The following HIPK3 variants were observed in gnomAD, a reference collection of about 807,000 sequenced individuals.
The protein encoded by HIPK3 is homeodomain interacting protein kinase 3, also known as homeodomain-interacting protein kinase 3.
HIPK3 carries 47 observed loss-of-function variants against 124.2 expected under a neutral mutation model. That is an observed-to-expected ratio of 0.38 (90% CI 0.30 to 0.48). The LOEUF is 0.48. Among genes scored for constraint, HIPK3 ranks in the 20% least tolerant of loss-of-function variants. The pLI is 0.98. For missense variants in HIPK3, 1,286 were observed against 1,454.3 expected (o/e 0.88, Z 1.88); for synonymous variants, 482 against 515.2 (o/e 0.94, Z 0.87).
At chr11:33,341,717 C>A in intron 8 of HIPK3, 31 bp downstream of exon 8, 1 of 1,552,932 alleles carries the variant, frequency 6.4e-7, no homozygotes, top group Non-Finnish European at 8.8e-7. Context: ...TGCTTTGAAT[C>A]TAGGCATGCT....
Position 33,272,784 on chromosome 11 carries a change from T to A in HIPK3, c.-2-13629T>A, listed in dbSNP as rs1283087973. 1.3e-3 allele frequency among the ~76,000 whole-genome samples: 3 copies of A among 2,360 alleles called. 1 individual carries two copies. The highest frequency in any genetic ancestry group is 3.2e-3 in the Non-Finnish European group (3 of 934). 1.5% of individuals were successfully genotyped at this position (2,360 alleles called of 152,430 possible). A position where few individuals can be genotyped will look rare whatever the true frequency, so the allele number is the denominator to read the frequency against. On this transcript the variant is annotated intron_variant, in intron 1 of 16. Transcript: ENST00000303296. ...TCCCTCCCTCCCTCCTCCCTCCCCC[T>A]CCCTCCCTCCTTCCTTCCTTCCCTC...
intron 1 of HIPK3, among the ~76,000 whole-genome samples, chr11:33,259,562 G>GT (rs1850769125): frequency 6.6e-6 from 1 of 152,094 alleles, no homozygotes; most frequent in Non-Finnish European, 1.5e-5. Flanking sequence ...CAGTTATTTA[G>GT]TTTTAAGTCA....
intron 2 of HIPK3, among the ~76,000 whole-genome samples, chr11:33,294,709 A>G (rs934685625): frequency 3.5e-4 from 54 of 152,274 alleles, no homozygotes; most frequent in African/African-American, 1.2e-3. Context: ...GGCACAAGCA[A>G]TCCTTCTGCC....
chr11:33,269,614 CCT>C (rs1333419254), intron 1 of HIPK3, among the ~76,000 whole-genome samples: 2 of 151,538 alleles, frequency 1.3e-5, no homozygotes, highest in Non-Finnish European at 3.0e-5. Flanking sequence ...AGTCTAGGGT[CCT>C]CTGTTTCTTT....
chr11:33,279,551 C>T (rs1851359873), intron 1 of HIPK3, among the ~76,000 whole-genome samples: 1 of 152,072 alleles, frequency 6.6e-6, no homozygotes, highest in Admixed American at 6.6e-5. Flanking sequence ...TGATCAGACT[C>T]ATGACTATGG....
At chr11:33,281,858 A>G (rs900184440) in intron 1 of HIPK3, among the ~76,000 whole-genome samples, 1 of 152,120 alleles carries the variant, frequency 6.6e-6, no homozygotes, top group African/African-American at 2.4e-5. Flanking sequence ...ATGGATATGT[A>G]GGTTATTTAC....
At chr11:33,301,268 A>G (rs1194294455) in intron 2 of HIPK3, among the ~76,000 whole-genome samples, 1 of 152,158 alleles carries the variant, frequency 6.6e-6, no homozygotes, top group East Asian at 1.9e-4. Flanking sequence ...CAGCTCTTTT[A>G]TTCTTTAGCC....
chr11:33,284,761 A>G (rs1851503822), intron 1 of HIPK3, among the ~76,000 whole-genome samples: 1 of 152,214 alleles, frequency 6.6e-6, no homozygotes, highest in Admixed American at 6.5e-5. Context: ...GGATTTTACC[A>G]TTAGGGAAAT....
At chr11:33,310,743 C>T (rs755249753) in intron 2 of HIPK3, among the ~76,000 whole-genome samples, 6 of 152,184 alleles carry the variant, frequency 3.9e-5, no homozygotes, top group East Asian at 1.9e-4. Context: ...GGAACATTTC[C>T]GTTGTTGCGA....
At chr11:33,294,661 A>G (rs955176031) in intron 2 of HIPK3, among the ~76,000 whole-genome samples, 7 of 151,730 alleles carry the variant, frequency 4.6e-5, no homozygotes, top group East Asian at 3.9e-4. Context: ...CTGGAGTGCA[A>G]TGGTGCAGTC....
intron 6 of HIPK3, among the ~76,000 whole-genome samples, chr11:33,340,676 GAA>G (rs1329410483): frequency 7.5e-6 from 1 of 133,426 alleles, no homozygotes; most frequent in East Asian, 2.3e-4. Context: ...CGAAATTTCG[GAA>G]AAAGTTTTTC....
intron 2 of HIPK3, among the ~76,000 whole-genome samples, chr11:33,298,731 T>C (rs1365868475): frequency 1.3e-5 from 2 of 152,180 alleles, no homozygotes; most frequent in Non-Finnish European, 2.9e-5. Flanking sequence ...ATGGTGGAAA[T>C]AGCAAGAGAA....
chr11:33,308,586 C>T (rs570672400), intron 2 of HIPK3, among the ~76,000 whole-genome samples: 14 of 150,196 alleles, frequency 9.3e-5, no homozygotes, highest in African/African-American at 3.4e-4. Flanking sequence ...TTTGTTTAAG[C>T]ACTTGATCTA....
chr11:33,286,285 T>G, intron 1 of HIPK3, 128 bp from the exon 2 acceptor site: 1 of 852,066 alleles, frequency 1.2e-6, no homozygotes, highest in South Asian at 2.4e-5. Context: ...ATTAATTACT[T>G]TTTTACAAAT....
intron 1 of HIPK3, among the ~76,000 whole-genome samples, chr11:33,280,487 T>C (rs1250971419): frequency 6.6e-6 from 1 of 152,232 alleles, no homozygotes; most frequent in South Asian, 2.1e-4. Flanking sequence ...TCTTTTCTTA[T>C]GGTCTTTTAT....
At position 33,342,747 on chromosome 11, in the gene HIPK3, G is replaced by A. The variant is rs535662674; in HGVS notation, c.1897+1061G>A. ...ATTTTGTATTTTTAGTAGAGACGGG[G>A]TTTTTCCATGTTGGTCTTGAACTCC... On this transcript the variant is annotated intron_variant, in intron 8 of 16. Transcript: ENST00000303296. Among the ~76,000 whole-genome samples the A allele has an allele frequency of 8.7e-4, 132 of 152,188 alleles. 1 individual carries two copies. The highest frequency in any genetic ancestry group is 4.6e-3 in the South Asian group (22 of 4,822).
intron 8 of HIPK3, among the ~76,000 whole-genome samples, chr11:33,345,299 A>G (rs1424646947): frequency 2.0e-5 from 3 of 152,176 alleles, no homozygotes; most frequent in Non-Finnish European, 4.4e-5. Context: ...CTACTATATT[A>G]GAGTAAAATA....
At chr11:33,337,250 T>C in intron 4 of HIPK3, 56 bp downstream of exon 4, 1 of 1,085,066 alleles carries the variant, frequency 9.2e-7, no homozygotes, top group Non-Finnish European at 1.3e-6. Context: ...ATGCCTCATA[T>C]GCATGGATAA....
At chr11:33,272,814 C>T (rs1055363730) in intron 1 of HIPK3, among the ~76,000 whole-genome samples, 5 of 5,870 alleles carry the variant, frequency 8.5e-4, no homozygotes, top group Middle Eastern at 0.083. Context: ...TCCCTCCCTC[C>T]CTCCCTCTTT....
Sources: allele counts gnomAD v4.1 joint callset (sites outside exome capture counted in the v4.1 genomes callset), GRCh38; gene constraint gnomAD v4.1.1; transcripts MANE v1.5; gene names NCBI Gene and HGNC (gene_info 2026-07-23, HGNC 2026-07-21).